XYLT2: variants seen among roughly 807,000 people sequenced by gnomAD.
XYLT2 encodes xylosyltransferase 2, also known as UDP-D-xylose:proteoglycan core protein beta-D-xylosyltransferase.
Under a neutral mutation model 82.6 loss-of-function variants are expected in XYLT2, and 37 were observed. The ratio of observed to expected loss-of-function variants is 0.45; its 90% CI spans 0.34 to 0.59. XYLT2 has a LOEUF of 0.59. XYLT2 is among the 20% of genes least tolerant of loss of function. XYLT2 has a pLI of 0.01. For synonymous variants in XYLT2, 474 were observed against 499.0 expected, an observed-to-expected ratio of 0.95 and a Z score of 0.67; for missense variants, 934 against 1,181.3, an observed-to-expected ratio of 0.79 and a Z score of 3.07.
intron 1 of XYLT2, among the ~76,000 whole-genome samples, chr17:50,353,241 G>A (rs1445948705): frequency 1.3e-5 from 2 of 151,990 alleles, no homozygotes; most frequent in African/African-American, 2.4e-5. Flanking sequence ...GGGAGTGCTG[G>A]GTCTTAGGTG....
chr17:50,347,496 G>T (rs1051186032), intron 1 of XYLT2, among the ~76,000 whole-genome samples: 3 of 152,184 alleles, frequency 2.0e-5, no homozygotes, highest in Non-Finnish European at 2.9e-5. Flanking sequence ...TGACATCCGT[G>T]GGGTGTAGAC....
Position 50,360,859 on chromosome 17 carries a change from C to A in XYLT2, c.*568C>A, listed in dbSNP as rs1028463612. 1 of 985,894 alleles carries A rather than the reference C, an allele frequency of 1.0e-6. No individual in the cohort carries two copies. Among genetic ancestry groups the A allele is most frequent in the Non-Finnish European group, 1.2e-6 (1 of 829,980 alleles). 61.1% of individuals were successfully genotyped at this position (985,894 alleles called of 1,614,324 possible). On this transcript the variant is annotated 3_prime_UTR_variant, in exon 11 of 11. Coordinates refer to ENST00000017003, the MANE Select transcript of XYLT2 (RefSeq NM_022167.4). Reference sequence around the variant, plus strand: ...CCCGAAGAACAGGTGATATCGGGGGCGCTGCAGAGCTGGGCTCTAGCAGGA... The same window carrying A: ...CCCGAAGAACAGGTGATATCGGGGGAGCTGCAGAGCTGGGCTCTAGCAGGA...
intron 5 of XYLT2, 33 bp downstream of exon 5, chr17:50,355,614 G>A (rs1912486734): frequency 1.2e-6 from 2 of 1,613,018 alleles, no homozygotes; most frequent in Middle Eastern, 1.7e-4. Flanking sequence ...CCTGGCCCCA[G>A]AGTCTTGTCC....
chr17:50,358,145 C>T, intron 9 of XYLT2, 62 bp from the exon 10 acceptor site: 1 of 1,440,084 alleles, frequency 6.9e-7, no homozygotes, highest in South Asian at 1.4e-5. Flanking sequence ...TGAGAGGCAG[C>T]TTCAGAGGAG....
chr17:50,358,562 G>A, intron 10 of XYLT2, 22 bp downstream of exon 10: 1 of 1,593,514 alleles, frequency 6.3e-7, no homozygotes, highest in Non-Finnish European at 8.6e-7. Flanking sequence ...GTTCTCAAAT[G>A]AGGCCCAGAA....
Position 50,355,791 on chromosome 17 carries a change from A to G in XYLT2, c.1099A>G (p.Lys367Glu), listed in dbSNP as rs1300509479. 8.1e-6 allele frequency: 13 copies of G among 1,614,132 alleles called. No homozygotes were observed. Among genetic ancestry groups the G allele is most frequent in the Non-Finnish European group, 1.1e-5 (13 of 1,180,026 alleles). ...HGRDNSRFIK[K>E]QGLDRLFHEC... ...CTCTGCTGCCCACAGGTTCATCAAG[A>G]AACAGGGCCTGGACCGGCTCTTCCA... The change falls in exon 6 of 11, where the codon AAA becomes GAA. Residue 367 changes from lysine to glutamate, a missense_variant. By Grantham distance (56) the Lys-to-Glu change is moderately conservative. Around this residue, in one of 3 missense-constraint regions of XYLT2, gnomAD observed 189 missense variants for 320.8 expected, o/e 0.59. Coordinates refer to ENST00000017003, the MANE Select transcript of XYLT2 (RefSeq NM_022167.4).
intron 10 of XYLT2, 142 bp downstream of exon 10, chr17:50,358,682 C>A: frequency 1.1e-6 from 1 of 888,216 alleles, no homozygotes; most frequent in Non-Finnish European, 1.7e-6. Flanking sequence ...CCTTCATCTT[C>A]TTTCCTGTAG....
Position 50,357,208 on chromosome 17 carries a change from C to A in XYLT2, c.1897C>A (p.Leu633Met). The A allele has an allele frequency of 6.2e-7, 1 of 1,609,468 alleles. No individual in the cohort carries two copies. Among genetic ancestry groups the A allele is most frequent in the East Asian group, 2.2e-5 (1 of 44,862 alleles). Residue 633 changes from leucine (L) to methionine (M), a missense_variant, in exon 9 of 11, where the codon CTG becomes ATG. Leu to Met is a conservative substitution (Grantham distance 15). Transcript: ENST00000017003. ...MWLMPQGSLK[L>M]LGRSDQASRL... Reference sequence around the variant, plus strand: ...GCTGATGCCCCAAGGGTCGCTGAAGCTGTTGGGGCGCAGTGACCAGGCCAG... The same window carrying A: ...GCTGATGCCCCAAGGGTCGCTGAAGATGTTGGGGCGCAGTGACCAGGCCAG...
intron 7 of XYLT2, 24 bp from the exon 8 acceptor site, chr17:50,356,487 C>CGTG: frequency 6.2e-7 from 1 of 1,611,072 alleles, no homozygotes; most frequent in Non-Finnish European, 8.5e-7. Flanking sequence ...GAGCCCTTCA[C>CGTG]CCTCCTTGCC....
At chr17:50,356,943 G>C in intron 8 of XYLT2, 114 bp from the exon 9 acceptor site, 1 of 1,465,432 alleles carries the variant, frequency 6.8e-7, no homozygotes, top group Non-Finnish European at 9.1e-7. Flanking sequence ...GTGGGGGTGA[G>C]ATCTGGGGAA....
At chr17:50,356,909 G>C (rs1043457950) in intron 8 of XYLT2, 136 bp downstream of exon 8, 1 of 1,474,398 alleles carries the variant, frequency 6.8e-7, no homozygotes, top group Non-Finnish European at 9.0e-7. Context: ...CGAAAAGACG[G>C]CTAGAGCCAG....
intron 1 of XYLT2, among the ~76,000 whole-genome samples, 194 bp from the exon 2 acceptor site, chr17:50,353,436 G>A (rs1473435110): frequency 6.6e-6 from 1 of 152,194 alleles, no homozygotes; most frequent in African/African-American, 2.4e-5. Flanking sequence ...GGCCCAGTGC[G>A]CCCTCAGTGG....
At chr17:50,353,007 G>C (rs562108441) in intron 1 of XYLT2, among the ~76,000 whole-genome samples, 4 of 152,284 alleles carry the variant, frequency 2.6e-5, no homozygotes, top group Admixed American at 2.6e-4. Flanking sequence ...CTGCCCCATC[G>C]TTCACAGGGG....
intron 2 of XYLT2, 137 bp from the exon 3 acceptor site, chr17:50,354,271 C>T: frequency 6.7e-7 from 1 of 1,491,782 alleles, no homozygotes. Flanking sequence ...TACTAAGTGG[C>T]AGAGGCAGAG....
chr17:50,346,341 C>CG lies in XYLT2; in HGVS notation c.135+69dup. On this transcript the variant is annotated intron_variant, in intron 1 of 10. Coordinates refer to ENST00000017003, the MANE Select transcript of XYLT2 (RefSeq NM_022167.4). This position sits in a 1 kb window ranked among gnomAD's most constrained non-coding sequence, Gnocchi z 5.1. ...GGCGCGCGGGGTCCTGGCGGGGCTG[C>CG]GGGCGGCCCCAGCCGGGGAAGTGGG... The CG allele has an allele frequency of 1.0e-6, 1 of 999,180 alleles. No individual in the cohort carries two copies. Among genetic ancestry groups the CG allele is most frequent in the Non-Finnish European group, 1.2e-6 (1 of 840,358 alleles). The allele number at this position is 999,180 out of a possible 1,614,324, so 61.9% of individuals were successfully genotyped here.
At position 50,346,195 on chromosome 17, in the gene XYLT2, G is replaced by A; in HGVS notation, c.55G>A (p.Ala19Thr). 7.7e-7 allele frequency: 1 copy of A among 1,292,734 alleles called. No individual in the cohort carries two copies. The highest frequency in any genetic ancestry group is 1.4e-5 in the South Asian group (1 of 69,400). The allele number at this position is 1,292,734 out of a possible 1,614,324, so 80.1% of individuals were successfully genotyped here. A position where few individuals can be genotyped will look rare whatever the true frequency, so the allele number is the denominator to read the frequency against. The part of the protein sequence containing the change: ...KLVRRYKLAI[A>T]TALAILLLQG... ...GGTGCGGCGCTACAAGCTGGCGATT[G>A]CCACGGCGCTGGCCATCCTGCTGCT... is the stretch of plus-strand genomic sequence containing the variant. The change falls in exon 1 of 11, where the codon GCC becomes ACC. Residue 19 changes from alanine to threonine, a missense_variant. This residue lies in a region of XYLT2 where 371 missense variants were observed against 394.9 expected (regional missense o/e 0.94). Transcript: ENST00000017003. The surrounding 1 kb of genome is among the most constrained non-coding windows in gnomAD (Gnocchi z 5.1).
rs753732928 is a variant in XYLT2, at chr17:50,356,606, C to T, written c.1578C>T (p.Tyr526=). Residue 526 remains tyrosine (Y), a synonymous_variant, in exon 8 of 11, where the codon TAC becomes TAT. Transcript: ENST00000017003. ...TGGACTTCCACCTGTATGGCAGCTA[C>T]CCCCCCGGCACGCCAGCCCTCAAGG... ...EILDFHLYGS[Y]PPGTPALKAY... The T allele has an allele frequency of 3.1e-6, 5 of 1,601,262 alleles. No individual in the cohort carries two copies. The South Asian group carries it at 4.4e-5, about 14-fold the overall frequency.
chr17:50,361,170 T>C lies in XYLT2; in HGVS notation c.*879T>C. 1.0e-6 allele frequency: 1 copy of C among 984,702 alleles called. No homozygotes were observed. The allele number at this position is 984,702 out of a possible 1,614,324, so 61.0% of individuals were successfully genotyped here. ...CTCTCTACTCTGGGCTCTGTGTTTTTCCTCCTGGGTGTCAGGAAGCCATCA... is the reference window on the plus strand; with the variant it reads ...CTCTCTACTCTGGGCTCTGTGTTTTCCCTCCTGGGTGTCAGGAAGCCATCA... On this transcript the variant is annotated 3_prime_UTR_variant, in exon 11 of 11. Coordinates refer to ENST00000017003, the MANE Select transcript of XYLT2 (RefSeq NM_022167.4).
chr17:50,346,335 G>A lies in XYLT2; in HGVS notation c.135+60G>A. 1 of 1,004,480 alleles carries A rather than the reference G, an allele frequency of 1.0e-6. No individual in the cohort carries two copies. Among genetic ancestry groups the A allele is most frequent in the Non-Finnish European group, 1.2e-6 (1 of 843,812 alleles). 62.2% of individuals were successfully genotyped at this position (1,004,480 alleles called of 1,614,324 possible). A position where few individuals can be genotyped will look rare whatever the true frequency, so the allele number is the denominator to read the frequency against. ...CGCGGGGGCGCGCGGGGTCCTGGCG[G>A]GGCTGCGGGCGGCCCCAGCCGGGGA... On this transcript the variant is annotated intron_variant, in intron 1 of 10. Coordinates refer to ENST00000017003, the MANE Select transcript of XYLT2 (RefSeq NM_022167.4). The surrounding 1 kb of genome is among the most constrained non-coding windows in gnomAD (Gnocchi z 5.1).
Sources: gnomAD v4.1 joint callset for allele counts (sites outside exome capture counted in the v4.1 genomes callset) on GRCh38, gnomAD v4.1.1 for gene constraint, gnomAD v4.1.1 regional missense constraint, Gnocchi (gnomAD v3.1) non-coding constraint, MANE v1.5 for transcripts, NCBI Gene and HGNC (gene_info 2026-07-23, HGNC 2026-07-21) for gene names.